Variants in MYO1D observed in about 807,000 individuals in gnomAD.
MYO1D encodes the protein myosin ID.
MYO1D carries 83 observed loss-of-function variants against 122.0 expected under a neutral mutation model. The observed-to-expected ratio is 0.68, with a 90% CI of 0.57 to 0.82. The LOEUF (loss-of-function observed/expected upper bound fraction) is 0.82, where lower values mean the gene tolerates loss of function less well. Ranked by LOEUF, MYO1D falls within the 40% of genes least tolerant of loss-of-function variation. The pLI, the probability that MYO1D is intolerant of heterozygous loss-of-function variation, is 0.00. For synonymous variants in MYO1D, 464 were observed against 446.9 expected (o/e 1.04, Z -0.48); for missense variants, 1,157 against 1,269.5 (o/e 0.91, Z 1.35).
intron 21 of MYO1D, among the ~76,000 whole-genome samples, chr17:32,543,158 G>A (rs962312125): frequency 6.6e-6 from 1 of 151,536 alleles, no homozygotes; most frequent in Non-Finnish European, 1.5e-5. Context: ...CCTGGGAGGC[G>A]GAGCTTGCAG....
At chr17:32,498,112 C>G (rs182705745) in intron 21 of MYO1D, 2 of 152,288 alleles carry the variant, frequency 1.3e-5, no homozygotes, top group Non-Finnish European at 2.9e-5. Flanking sequence ...TGCAGAGACT[C>G]GCCTGAGTGC....
intron 7 of MYO1D, among the ~76,000 whole-genome samples, chr17:32,766,439 T>C (rs1234115655): frequency 1.3e-5 from 2 of 152,160 alleles, no homozygotes; most frequent in African/African-American, 4.8e-5. Flanking sequence ...TATACGACAC[T>C]TCTTTAATAT....
rs8078620 is a variant in MYO1D at position 32,765,940 on chromosome 17, G to A, written c.832-859C>T. Reference sequence around the variant, plus strand: ...GGTCTGTCACCCAGGCTGGAATGCAGTGGTGCACCATGGCTCACTGCAGCC... The same window carrying A: ...GGTCTGTCACCCAGGCTGGAATGCAATGGTGCACCATGGCTCACTGCAGCC... On this transcript the variant is annotated intron_variant, in intron 7 of 21. Coordinates refer to ENST00000318217, the MANE Select transcript of MYO1D (RefSeq NM_015194.3). Among the ~76,000 whole-genome samples, 1,150 of 152,032 alleles carry A rather than the reference G, an allele frequency of 7.6e-3. 10 individuals carry two copies. The highest frequency in any genetic ancestry group is 0.023 in the African/African-American group (974 of 41,474).
At chr17:32,622,066 A>C (rs946921802) in intron 20 of MYO1D, among the ~76,000 whole-genome samples, 1 of 152,142 alleles carries the variant, frequency 6.6e-6, no homozygotes, top group Non-Finnish European at 1.5e-5. Flanking sequence ...TCTCCATCCT[A>C]GGTTGCTCTT....
intron 21 of MYO1D, among the ~76,000 whole-genome samples, chr17:32,526,104 C>T (rs1178813520): frequency 6.6e-6 from 1 of 152,166 alleles, no homozygotes; most frequent in East Asian, 1.9e-4. Flanking sequence ...GTTTAACTGC[C>T]CCTTTGACGT....
intron 20 of MYO1D, chr17:32,627,896 ATGG>A: frequency 6.6e-6 from 1 of 152,176 alleles, no homozygotes; most frequent in African/African-American, 2.4e-5. Context: ...AACCTGCTCC[ATGG>A]ATGCTGGTTT....
intron 21 of MYO1D, among the ~76,000 whole-genome samples, chr17:32,600,633 C>A (rs2087551020): frequency 6.6e-6 from 1 of 152,168 alleles, no homozygotes; most frequent in Admixed American, 6.5e-5. Context: ...TCGTCTGCAG[C>A]TTCCTCACCT....
chr17:32,522,177 A>G (rs1196843450), intron 21 of MYO1D, among the ~76,000 whole-genome samples: 1 of 152,140 alleles, frequency 6.6e-6, no homozygotes, highest in Non-Finnish European at 1.5e-5. Flanking sequence ...TCTAGGAGCA[A>G]ATAATTAAAA....
rs904552498 is a variant in MYO1D at position 32,876,674 on chromosome 17, G to A, written c.95+104C>T. ...GCAGCCCGGCCGCGCCTCCATCCCT[G>A]GAGCTTGGGCGCTCCCGACACCCCG... On this transcript the variant is annotated intron_variant, in intron 1 of 21. Coordinates refer to ENST00000318217, the MANE Select transcript of MYO1D (RefSeq NM_015194.3). 52 of 925,990 alleles carry A rather than the reference G, an allele frequency of 5.6e-5. No homozygotes were observed. The East Asian group carries it at 9.9e-4, about 18-fold the overall frequency. The allele number at this position is 925,990 out of a possible 1,614,324, so 57.4% of individuals were successfully genotyped here. A position where few individuals can be genotyped will look rare whatever the true frequency, so the allele number is the denominator to read the frequency against.
intron 19 of MYO1D, among the ~76,000 whole-genome samples, chr17:32,649,152 A>G (rs1415690114): frequency 1.3e-5 from 2 of 152,240 alleles, no homozygotes; most frequent in Non-Finnish European, 2.9e-5. Flanking sequence ...CTGTTTAAGT[A>G]GCCAATTGTG....
At chr17:32,791,745 A>T (rs2090354324) in intron 1 of MYO1D, among the ~76,000 whole-genome samples, 1 of 152,186 alleles carries the variant, frequency 6.6e-6, no homozygotes, top group Non-Finnish European at 1.5e-5. Context: ...TGATAATAAA[A>T]ATCCAACTTC....
At chr17:32,755,460 T>G (rs751971942) in intron 11 of MYO1D, 32 bp downstream of exon 11, 6 of 1,600,964 alleles carry the variant, frequency 3.7e-6, no homozygotes, top group East Asian at 2.2e-5. Context: ...ACCTCACAGA[T>G]AAAAGGAAGA....
At chr17:32,613,498 A>G (rs552161149) in intron 20 of MYO1D, among the ~76,000 whole-genome samples, 6 of 152,274 alleles carry the variant, frequency 3.9e-5, no homozygotes, top group South Asian at 2.1e-4. Flanking sequence ...AATATAGGCC[A>G]GGTGCAGTGG....
At chr17:32,777,986 A>C (rs2090195169) in intron 3 of MYO1D, among the ~76,000 whole-genome samples, 1 of 152,184 alleles carries the variant, frequency 6.6e-6, no homozygotes, top group African/African-American at 2.4e-5. Context: ...CTGTCAGTGG[A>C]TTCTGAATGT....
At position 32,540,875 on chromosome 17, in the gene MYO1D, G is replaced by C. The variant is rs547023348; in HGVS notation, c.2865-45960C>G. Among the ~76,000 whole-genome samples the C allele has an allele frequency of 3.4e-5, 5 of 148,128 alleles. No homozygotes were observed. The South Asian group carries it at 1.1e-3, about 32-fold the overall frequency. ...TGTAAGGCAGAGGTTGTAGTGAGCC[G>C]AGATTGTGCCACTGCACTCCAGCCT... On this transcript the variant is annotated intron_variant, in intron 21 of 21. Transcript: ENST00000318217.
intron 1 of MYO1D, among the ~76,000 whole-genome samples, chr17:32,823,286 A>G (rs1188652527): frequency 6.6e-6 from 1 of 152,190 alleles, no homozygotes; most frequent in African/African-American, 2.4e-5. Flanking sequence ...AGACTGAGTG[A>G]GCACCCAGGG....
At chr17:32,571,540 G>A (rs1295224548) in intron 21 of MYO1D, among the ~76,000 whole-genome samples, 1 of 152,168 alleles carries the variant, frequency 6.6e-6, no homozygotes, top group Non-Finnish European at 1.5e-5. Flanking sequence ...GGTAGCAGAG[G>A]ACCGAGAATT....
Position 32,870,128 on chromosome 17 carries a change from C to T in MYO1D, c.95+6650G>A, listed in dbSNP as rs557500055. On this transcript the variant is annotated intron_variant, in intron 1 of 21. Transcript: ENST00000318217. ...TCACGGAGTAGGAAAGGAAACCAGGCGGCAGGGTGATTCACTCCAAATGGC... is the reference window on the plus strand; with the variant it reads ...TCACGGAGTAGGAAAGGAAACCAGGTGGCAGGGTGATTCACTCCAAATGGC... 3.3e-5 allele frequency among the ~76,000 whole-genome samples: 5 copies of T among 152,186 alleles called. No individual in the cohort carries two copies. The South Asian group carries it at 6.2e-4, about 19-fold the overall frequency.
chr17:32,650,623 T>C (rs565034424), intron 19 of MYO1D, among the ~76,000 whole-genome samples: 48 of 152,318 alleles, frequency 3.2e-4, no homozygotes, highest in Admixed American at 1.1e-3. Context: ...GTAGTTTTTA[T>C]TGCTATATCT....
Sources: gnomAD v4.1 joint callset for allele counts (sites outside exome capture counted in the v4.1 genomes callset) on GRCh38, gnomAD v4.1.1 for gene constraint, MANE v1.5 for transcripts, NCBI Gene and HGNC (gene_info 2026-07-23, HGNC 2026-07-21) for gene names.